KIF13A: variants seen among roughly 807,000 people sequenced by gnomAD.
The protein encoded by KIF13A is kinesin family member 13A.
In KIF13A, 79 loss-of-function variants were observed where a neutral mutation model predicts 212.2. The observed-to-expected ratio is 0.37, with a 90% CI of 0.31 to 0.45. The LOEUF (loss-of-function observed/expected upper bound fraction) is 0.45. Ranked by LOEUF, KIF13A falls within the 20% of genes least tolerant of loss-of-function variation. KIF13A has a pLI of 1.00. For synonymous variants in KIF13A, 789 were observed against 808.6 expected (o/e 0.98, Z 0.41); for missense variants, 1,901 against 2,209.0 (o/e 0.86, Z 2.79).
rs1781367210 is a variant in KIF13A at position 17,984,359 on chromosome 6, G to T, written c.146+2695C>A. Among the ~76,000 whole-genome samples, 1 of 152,158 alleles carries T rather than the reference G, an allele frequency of 6.6e-6. No homozygotes were observed. The highest frequency in any genetic ancestry group is 2.1e-4 in the South Asian group (1 of 4,826). ...TCATAAATGTCTCCTGGAGAGCAAT[G>T]CAATGGTATTTTAAGAAACAAATCC... is the stretch of plus-strand genomic sequence containing the variant. On this transcript the variant is annotated intron_variant, in intron 2 of 38. Transcript: ENST00000259711. The surrounding 1 kb of genome is among the most constrained non-coding windows in gnomAD (Gnocchi z 5.0).
intron 19 of KIF13A, 29 bp downstream of exon 19, chr6:17,805,444 CAA>C: frequency 1.3e-6 from 2 of 1,585,362 alleles, no homozygotes; most frequent in African/African-American, 2.7e-5. Context: ...TTTAACATAA[CAA>C]AATCTCCATT....
At chr6:17,950,282 A>C (rs766513950) in intron 2 of KIF13A, 7 of 416,088 alleles carry the variant, frequency 1.7e-5, no homozygotes, top group Non-Finnish European at 2.3e-5. Context: ...TAAGTAAAAG[A>C]AGAGCTGAGA....
intron 2 of KIF13A, among the ~76,000 whole-genome samples, chr6:17,904,174 T>C (rs1581687823): frequency 1.4e-5 from 2 of 146,140 alleles, no homozygotes; most frequent in Admixed American, 1.4e-4. Flanking sequence ...ATAATAAAAA[T>C]AAAGAAAAAG....
intron 4 of KIF13A, among the ~76,000 whole-genome samples, chr6:17,865,427 G>A (rs571028586): frequency 1.3e-5 from 2 of 152,240 alleles, no homozygotes; most frequent in African/African-American, 4.8e-5. Context: ...GGGCTGACAG[G>A]CACAGCGATT....
In KIF13A at chr6:17,896,697, T is replaced by C. The variant is rs555809023; in HGVS notation, c.159+1471A>G. 2.2e-3 allele frequency among the ~76,000 whole-genome samples: 328 copies of C among 152,362 alleles called. 1 individual carries two copies. The highest frequency in any genetic ancestry group is 7.5e-3 in the African/African-American group (313 of 41,586). ...TAAGGCTGGGAACCACTAGGCTATA[T>C]ATACTCACTAGAAAGTGACAAGAAC... On this transcript the variant is annotated intron_variant, in intron 3 of 38. Coordinates refer to ENST00000259711, the MANE Select transcript of KIF13A (RefSeq NM_022113.6).
intron 13 of KIF13A, among the ~76,000 whole-genome samples, chr6:17,830,615 C>G (rs1183021510): frequency 6.6e-6 from 1 of 152,160 alleles, no homozygotes. Context: ...AAAGTTATTT[C>G]CTGAGGATGT....
chr6:17,791,610 G>A (rs1181282533), intron 25 of KIF13A, among the ~76,000 whole-genome samples: 1 of 152,118 alleles, frequency 6.6e-6, no homozygotes, highest in African/African-American at 2.4e-5. Flanking sequence ...TTTAAAAAAT[G>A]TGAACAGTTG....
rs1204529867 is a variant in KIF13A, at chr6:17,971,473, G to C, written c.146+15581C>G. On this transcript the variant is annotated intron_variant, in intron 2 of 38. Coordinates refer to ENST00000259711, the MANE Select transcript of KIF13A (RefSeq NM_022113.6). This position sits in a 1 kb window ranked among gnomAD's most constrained non-coding sequence, Gnocchi z 4.2. ...GTCTCACTCTGTCGCCCAGGCTGGA[G>C]TGCAGTGGTGTAATCATGGCTCACT... 1.3e-5 allele frequency among the ~76,000 whole-genome samples: 2 copies of C among 151,958 alleles called. No individual in the cohort carries two copies. The highest frequency in any genetic ancestry group is 4.8e-5 in the African/African-American group (2 of 41,354).
rs1347843766 is a variant in KIF13A at position 17,779,000 on chromosome 6, T to A, written c.4039A>T (p.Thr1347Ser). The A allele has an allele frequency of 1.2e-6, 2 of 1,612,932 alleles. No individual in the cohort carries two copies. Among genetic ancestry groups the A allele is most frequent in the South Asian group, 1.1e-5 (1 of 90,864 alleles). ...TTTTCCACCTGCAGCACGCCTCGAG[T>A]GTACTTCTCAATGTACGTCTCCCCA... Reference protein sequence around the residue: ...SDGETYIEKYTRGVLQVENIL... With the variant: ...SDGETYIEKYSRGVLQVENIL... The change falls in exon 33 of 39, where the codon ACT (threonine) becomes TCT (serine). Residue 1347 changes from threonine (T) to serine (S), a missense_variant. This residue lies in a region of KIF13A where 687 missense variants were observed against 759.1 expected (regional missense o/e 0.90). Coordinates refer to ENST00000259711, the MANE Select transcript of KIF13A (RefSeq NM_022113.6).
chr6:17,917,691 A>G (rs1341248311), intron 2 of KIF13A, among the ~76,000 whole-genome samples: 2 of 152,218 alleles, frequency 1.3e-5, no homozygotes, highest in Admixed American at 6.5e-5. Context: ...GGCCTTTAAT[A>G]TATCCCCTTA....
chr6:17,983,892 G>T (rs149122738), intron 2 of KIF13A, among the ~76,000 whole-genome samples: 1 of 152,258 alleles, frequency 6.6e-6, no homozygotes, highest in African/African-American at 2.4e-5. Flanking sequence ...CATTGGCAAA[G>T]GACTCTCTCC....
intron 2 of KIF13A, among the ~76,000 whole-genome samples, chr6:17,985,649 G>A (rs1781494413): frequency 1.1e-5 from 1 of 90,420 alleles, no homozygotes; most frequent in South Asian, 4.8e-4. Context: ...GTGGGGGGAG[G>A]GGACATTCGT....
At chr6:17,842,285 A>G (rs1766601996) in intron 9 of KIF13A, among the ~76,000 whole-genome samples, 1 of 152,002 alleles carries the variant, frequency 6.6e-6, no homozygotes, top group African/African-American at 2.4e-5. Flanking sequence ...ACCTGGGCTC[A>G]AGTGATCCTC....
At chr6:17,910,033 GACAACCACACCTGACATCTGGTCTCACAT>G (rs1194879588) in intron 2 of KIF13A, among the ~76,000 whole-genome samples, 1 of 152,088 alleles carries the variant, frequency 6.6e-6, no homozygotes, top group Non-Finnish European at 1.5e-5. Context: ...AACACTTCAG[GACAACCACACCTGACATCTGGTCTCACAT>G]ACAGCCATAC....
At position 17,963,964 on chromosome 6, in the gene KIF13A, C is replaced by T. The variant is rs1779079132; in HGVS notation, c.146+23090G>A. On this transcript the variant is annotated intron_variant, in intron 2 of 38. Coordinates refer to ENST00000259711, the MANE Select transcript of KIF13A (RefSeq NM_022113.6). The surrounding 1 kb of genome is among the most constrained non-coding windows in gnomAD (Gnocchi z 4.1). ...GTGCATTTTATCGTAGATAAATTTA[C>T]ACCTCAGCTAGGCACAATGGGTCAT... Among the ~76,000 whole-genome samples, 1 of 152,158 alleles carries T rather than the reference C, an allele frequency of 6.6e-6. No homozygotes were observed. Among genetic ancestry groups the T allele is most frequent in the Non-Finnish European group, 1.5e-5 (1 of 68,026 alleles).
chr6:17,943,816 A>G (rs537566269), intron 2 of KIF13A, among the ~76,000 whole-genome samples: 3 of 152,318 alleles, frequency 2.0e-5, no homozygotes, highest in East Asian at 3.9e-4. Flanking sequence ...TGGGATGTCC[A>G]TGGTCAACGA....
intron 16 of KIF13A, among the ~76,000 whole-genome samples, chr6:17,822,911 C>T (rs1764590398): frequency 6.6e-6 from 1 of 152,234 alleles, no homozygotes; most frequent in African/African-American, 2.4e-5. Context: ...TATGGTCCAC[C>T]CTGCACTGCA....
chr6:17,826,134 C>A lies in KIF13A; in HGVS notation c.1533-10G>T, dbSNP rs1281271706. On this transcript the variant is annotated splice_polypyrimidine_tract_variant and intron_variant, in intron 14 of 38. Transcript: ENST00000259711. This position sits in a 1 kb window ranked among gnomAD's most constrained non-coding sequence, Gnocchi z 4.7. ...GCCGTTCACACAGGACCTGGGAGAA[C>A]ACGAGGGAAAATACCAGGTAAATGG... 1 of 1,610,986 alleles carries A rather than the reference C, an allele frequency of 6.2e-7. No homozygotes were observed. The highest frequency in any genetic ancestry group is 8.5e-7 in the Non-Finnish European group (1 of 1,177,656).
Position 17,982,445 on chromosome 6 carries a change from C to A in KIF13A, c.146+4609G>T. On this transcript the variant is annotated intron_variant, in intron 2 of 38. Coordinates refer to ENST00000259711, the MANE Select transcript of KIF13A (RefSeq NM_022113.6). The surrounding 1 kb of genome is among the most constrained non-coding windows in gnomAD (Gnocchi z 5.1). ...ATTTCAGATGTTCAGACAGGGATAC[C>A]GCTGGTGAATAAACTAAAAAATACA... is the stretch of plus-strand genomic sequence containing the variant. 1 of 984,436 alleles carries A rather than the reference C, an allele frequency of 1.0e-6. No homozygotes were observed. The highest frequency in any genetic ancestry group is 1.2e-6 in the Non-Finnish European group (1 of 829,198). The allele number at this position is 984,436 out of a possible 1,614,324, so 61.0% of individuals were successfully genotyped here. A position where few individuals can be genotyped will look rare whatever the true frequency, so the allele number is the denominator to read the frequency against.
Sources: allele counts gnomAD v4.1 joint callset (sites outside exome capture counted in the v4.1 genomes callset), GRCh38; gene constraint gnomAD v4.1.1; regional missense constraint gnomAD v4.1.1; non-coding constraint Gnocchi (gnomAD v3.1); transcripts MANE v1.5; gene names NCBI Gene and HGNC (gene_info 2026-07-23, HGNC 2026-07-21).